CADM2: variants seen among roughly 807,000 people sequenced by gnomAD.
CADM2 encodes cell adhesion molecule 2, also known as immunoglobulin superfamily member 4D.
In CADM2, 12 loss-of-function variants were observed where a neutral mutation model predicts 49.8. The ratio of observed to expected loss-of-function variants is 0.24; its 90% CI spans 0.15 to 0.39. CADM2 has a LOEUF of 0.39. Among genes scored for constraint, CADM2 ranks in the 10% least tolerant of loss-of-function variants. The pLI, the probability that CADM2 is intolerant of heterozygous loss-of-function variation, is 1.00. For missense variants in CADM2, 378 were observed against 492.3 expected (o/e 0.77, Z 2.20); for synonymous variants, 214 against 175.4 (o/e 1.22, Z -1.74).
chr3:85,370,479 C>A (rs796938747), intron 1 of CADM2, among the ~76,000 whole-genome samples: 2 of 151,754 alleles, frequency 1.3e-5, no homozygotes, highest in East Asian at 3.9e-4. Flanking sequence ...ATTCCTATTG[C>A]CTAGTGCTGT....
At chr3:85,377,812 G>T (rs944528498) in intron 1 of CADM2, among the ~76,000 whole-genome samples, 3 of 152,118 alleles carry the variant, frequency 2.0e-5, no homozygotes, top group African/African-American at 7.2e-5. Flanking sequence ...ACACTAGTCT[G>T]TTTTTTCCAC....
intron 1 of CADM2, among the ~76,000 whole-genome samples, chr3:85,000,114 TTCTCTCTCTCTC>T (rs59094520): frequency 7.3e-6 from 1 of 136,836 alleles, no homozygotes; most frequent in Non-Finnish European, 1.6e-5. Flanking sequence ...TGCTTCTACT[TTCTCTCTCTCTC>T]TCTCTCTCTC....
rs567901508 is a variant in CADM2, at chr3:85,189,742, A to C, written c.61+230074A>C. On this transcript the variant is annotated intron_variant, in intron 1 of 9. Coordinates refer to ENST00000383699, the MANE Select transcript of CADM2 (RefSeq NM_001167675.2). ...TCTTTAGGGGGGACCTCCAGCTAAG[A>C]GGCTACCATGAAGTTGTAACCAGGG... is the stretch of plus-strand genomic sequence containing the variant. Among the ~76,000 whole-genome samples, 6 of 152,258 alleles carry C rather than the reference A, an allele frequency of 3.9e-5. No homozygotes were observed. In the South Asian group the frequency reaches 1.0e-3, roughly 26 times the overall value.
intron 1 of CADM2, chr3:85,511,917 G>A: frequency 1.0e-6 from 1 of 954,182 alleles, no homozygotes. Context: ...AGAAAAAGTG[G>A]TGAAATTATA....
chr3:84,994,163 A>T (rs1230594812), intron 1 of CADM2, among the ~76,000 whole-genome samples: 1 of 152,092 alleles, frequency 6.6e-6, no homozygotes, highest in Non-Finnish European at 1.5e-5. Context: ...AGAGTGTGTA[A>T]CATTTTTGAA....
At chr3:85,393,593 C>T (rs896850380) in intron 1 of CADM2, among the ~76,000 whole-genome samples, 1 of 152,040 alleles carries the variant, frequency 6.6e-6, no homozygotes. Flanking sequence ...GAAGCTTTAT[C>T]AAACTGCATG....
rs559035950 is a variant in CADM2, at chr3:85,273,036, G to C, written c.61+313368G>C. Among the ~76,000 whole-genome samples the C allele has an allele frequency of 5.1e-4, 77 of 151,290 alleles. 1 individual carries two copies. Among genetic ancestry groups the C allele is most frequent in the South Asian group, 1.0e-3 (5 of 4,818 alleles). ...GGTGAAGGAGCCTTATCATTGCTAA[G>C]GCTGTGATTTTGGATGAAATTTTGA... On this transcript the variant is annotated intron_variant, in intron 1 of 9. Transcript: ENST00000383699.
In CADM2 at chr3:85,191,090, A is replaced by C. The variant is rs191577865; in HGVS notation, c.61+231422A>C. 7.0e-4 allele frequency among the ~76,000 whole-genome samples: 106 copies of C among 152,194 alleles called. 1 individual carries two copies. Among genetic ancestry groups the C allele is most frequent in the African/African-American group, 2.4e-3 (99 of 41,578 alleles). On this transcript the variant is annotated intron_variant, in intron 1 of 9. Coordinates refer to ENST00000383699, the MANE Select transcript of CADM2 (RefSeq NM_001167675.2). Reference sequence around the variant, plus strand: ...TTCTGTTGGCAAAATATATTAAATAAATAGAAGTCTTTAGTACAGATGTAG... The same window carrying C: ...TTCTGTTGGCAAAATATATTAAATACATAGAAGTCTTTAGTACAGATGTAG...
At chr3:85,712,286 A>G (rs931568059) in intron 1 of CADM2, among the ~76,000 whole-genome samples, 1 of 152,170 alleles carries the variant, frequency 6.6e-6, no homozygotes, top group African/African-American at 2.4e-5. Flanking sequence ...ATGACATTCT[A>G]AGATATTTGT....
chr3:85,715,957 A>AATACACATGTGTGT (rs2067277270), intron 1 of CADM2, among the ~76,000 whole-genome samples: 2 of 152,358 alleles, frequency 1.3e-5, no homozygotes, highest in South Asian at 4.1e-4. Flanking sequence ...ATAGTGCTGC[A>AATACACATGTGTGT]ATACACATGT....
chr3:85,333,270 T>A (rs919245601), intron 1 of CADM2, among the ~76,000 whole-genome samples: 1 of 151,794 alleles, frequency 6.6e-6, no homozygotes, highest in African/African-American at 2.4e-5. Context: ...ATAATCTTAA[T>A]TACTAAAAAA....
chr3:85,717,718 A>AG (rs201085423), intron 1 of CADM2, among the ~76,000 whole-genome samples: 1,980 of 152,202 alleles, frequency 0.013, 60 homozygotes, highest in Admixed American at 0.068. Flanking sequence ...ATTATATCGA[A>AG]GGGCTTTTCT....
chr3:85,901,376 T>G (rs554441730), intron 5 of CADM2, among the ~76,000 whole-genome samples: 1 of 152,290 alleles, frequency 6.6e-6, no homozygotes, highest in South Asian at 2.1e-4. Flanking sequence ...TACATTATGT[T>G]ATAGTATAGA....
At chr3:85,074,764 G>A (rs527437683) in intron 1 of CADM2, among the ~76,000 whole-genome samples, 1 of 152,200 alleles carries the variant, frequency 6.6e-6, no homozygotes, top group East Asian at 1.9e-4. Context: ...CAGCATTGGA[G>A]AGGGAGTCAG....
intron 1 of CADM2, among the ~76,000 whole-genome samples, chr3:85,190,734 C>A (rs1195217834): frequency 6.6e-6 from 1 of 152,072 alleles, no homozygotes; most frequent in Non-Finnish European, 1.5e-5. Context: ...AGGGAACATG[C>A]CCTCCTATGT....
intron 1 of CADM2, among the ~76,000 whole-genome samples, chr3:85,477,934 ATGT>A (rs765060703): frequency 6.6e-6 from 1 of 151,946 alleles, no homozygotes; most frequent in Non-Finnish European, 1.5e-5. Flanking sequence ...TATTTAAAAC[ATGT>A]TGTTGGAAAC....
At chr3:85,937,896 G>A (rs1040727413) in intron 7 of CADM2, among the ~76,000 whole-genome samples, 4 of 151,980 alleles carry the variant, frequency 2.6e-5, no homozygotes, top group Non-Finnish European at 5.9e-5. Flanking sequence ...GTCATTATAT[G>A]TTGCGTTTAT....
Position 85,034,790 on chromosome 3 carries a change from C to CTT in CADM2, c.61+75145_61+75146dup, listed in dbSNP as rs1179967499. On this transcript the variant is annotated intron_variant, in intron 1 of 9. Coordinates refer to ENST00000383699, the MANE Select transcript of CADM2 (RefSeq NM_001167675.2). Reference sequence around the variant, plus strand: ...TATCTTTTAGATAAAAGACATTTTGCTTTTTTTTTTTTTTTTTTTTTTTTA... The same window carrying CTT: ...TATCTTTTAGATAAAAGACATTTTGCTTTTTTTTTTTTTTTTTTTTTTTTTTA... Among the ~76,000 whole-genome samples, 600 of 84,046 alleles carry CTT rather than the reference C, an allele frequency of 7.1e-3. 35 individuals carry two copies. Among genetic ancestry groups the CTT allele is most frequent in the African/African-American group, 8.1e-3 (149 of 18,500 alleles). The allele number at this position is 84,046 out of a possible 152,430, so 55.1% of individuals were successfully genotyped here.
At chr3:85,303,920 T>A (rs918576661) in intron 1 of CADM2, among the ~76,000 whole-genome samples, 31 of 151,814 alleles carry the variant, frequency 2.0e-4, no homozygotes, top group Non-Finnish European at 2.5e-4. Flanking sequence ...AACAAACACC[T>A]CCGAACAAAT....
Sources: gnomAD v4.1 joint callset for allele counts (sites outside exome capture counted in the v4.1 genomes callset) on GRCh38, gnomAD v4.1.1 for gene constraint, MANE v1.5 for transcripts, NCBI Gene and HGNC (gene_info 2026-07-23, HGNC 2026-07-21) for gene names.